CFI: variants seen among roughly 807,000 people sequenced by gnomAD.
The protein encoded by CFI is C3B/C4B inactivator.
Under a neutral mutation model 78.8 loss-of-function variants are expected in CFI, and 66 were observed. The observed-to-expected ratio is 0.84, with a 90% CI of 0.69 to 1.03. CFI has a LOEUF of 1.03. Among genes scored for constraint, CFI ranks in the 50% least tolerant of loss-of-function variants. The probability of loss-of-function intolerance (pLI) is 0.00; values close to 1 mark genes in which losing one functional copy is unlikely to be tolerated. For missense variants in CFI, 706 were observed against 704.5 expected (o/e 1.00, Z -0.02); for synonymous variants, 250 against 232.6 (o/e 1.07, Z -0.68).
chr4:109,798,659 G>A (rs1470799068), intron 1 of CFI, among the ~76,000 whole-genome samples: 1 of 151,670 alleles, frequency 6.6e-6, no homozygotes, highest in Non-Finnish European at 1.5e-5. Context: ...AAAATTTTTG[G>A]TTGACACTTT....
In CFI at chr4:109,760,547, G is replaced by C; in HGVS notation, c.748C>G (p.Gln250Glu). ...ACDGINDCGD[Q>E]SDELCCKACQ... ...CCTTTACAACACAGTTCATCACTTT[G>C]GTCTCCACAATCATTGATACCATCA... Residue 250 changes from glutamine (Q) to glutamate (E), a missense_variant, in exon 5 of 13, where the codon CAA becomes GAA. By Grantham distance (29) the Gln-to-Glu change is conservative. Coordinates refer to ENST00000394634, the MANE Select transcript of CFI (RefSeq NM_000204.5). 1 of 1,597,920 alleles carries C rather than the reference G, an allele frequency of 6.3e-7. No individual in the cohort carries two copies. Among genetic ancestry groups the C allele is most frequent in the East Asian group, 2.2e-5 (1 of 44,774 alleles).
intron 1 of CFI, among the ~76,000 whole-genome samples, chr4:109,798,845 A>G (rs1264047251): frequency 6.6e-6 from 1 of 151,728 alleles, no homozygotes; most frequent in Non-Finnish European, 1.5e-5. Context: ...ACTTATATTC[A>G]GCTAGTATTT....
chr4:109,739,293 G>A (rs1198728699), downstream of CFI, among the ~76,000 whole-genome samples: 1 of 149,072 alleles, frequency 6.7e-6, no homozygotes, highest in Non-Finnish European at 1.5e-5. Context: ...AAAAAAAAAA[G>A]AGTAGCTAAT....
intron 1 of CFI, among the ~76,000 whole-genome samples, chr4:109,779,841 C>G (rs1729762473): frequency 6.6e-6 from 1 of 152,106 alleles, no homozygotes; most frequent in Non-Finnish European, 1.5e-5. Context: ...ACATCAACAA[C>G]CATCTGATCT....
At chr4:109,745,427 A>G in intron 11 of CFI, among the ~76,000 whole-genome samples, 1 of 152,174 alleles carries the variant, frequency 6.6e-6, no homozygotes, top group East Asian at 1.9e-4. Context: ...TCGGCCTCCC[A>G]AAGTGCTAGG....
chr4:109,741,709 G>C (rs762971527), intron 12 of CFI, among the ~76,000 whole-genome samples: 1 of 152,176 alleles, frequency 6.6e-6, no homozygotes, highest in African/African-American at 2.4e-5. Flanking sequence ...TCCATTTCAA[G>C]ATGGGAGGAC....
chr4:109,767,024 A>G (rs1395144850), intron 1 of CFI, among the ~76,000 whole-genome samples, 200 bp from the exon 2 acceptor site: 1 of 152,234 alleles, frequency 6.6e-6, no homozygotes, highest in Non-Finnish European at 1.5e-5. Context: ...AAAACAAGAA[A>G]TGGGGAAAGG....
chr4:109,797,392 G>A (rs1335358020), intron 1 of CFI, among the ~76,000 whole-genome samples: 1 of 152,064 alleles, frequency 6.6e-6, no homozygotes, highest in Admixed American at 6.6e-5. Flanking sequence ...ACTGAAATTG[G>A]ACCCCTATAT....
At chr4:109,781,414 T>C (rs907638865) in intron 1 of CFI, among the ~76,000 whole-genome samples, 2 of 152,132 alleles carry the variant, frequency 1.3e-5, no homozygotes, top group African/African-American at 2.4e-5. Context: ...CTAGAAGAGA[T>C]GGATAAATTC....
intron 1 of CFI, among the ~76,000 whole-genome samples, chr4:109,792,684 T>C (rs1579314489): frequency 6.6e-6 from 1 of 152,224 alleles, no homozygotes; most frequent in Non-Finnish European, 1.5e-5. Context: ...ATATTCATAA[T>C]TGTTATATAT....
chr4:109,744,745 C>T (rs554695064), intron 11 of CFI, among the ~76,000 whole-genome samples: 1 of 152,262 alleles, frequency 6.6e-6, no homozygotes, highest in Non-Finnish European at 1.5e-5. Flanking sequence ...AATAAATCTT[C>T]CTAATTGCTC....
In CFI at chr4:109,749,303, C is replaced by T. The variant is rs1250103299; in HGVS notation, c.1063G>A (p.Val355Met). 53 of 1,613,922 alleles carry T rather than the reference C, an allele frequency of 3.3e-5. No individual in the cohort carries two copies. Among genetic ancestry groups the T allele is most frequent in the Non-Finnish European group, 4.1e-5 (48 of 1,179,910 alleles). The change falls in exon 10 of 13, where the codon GTG (valine) becomes ATG (methionine). Residue 355 changes from valine (V) to methionine (M), a missense_variant. Val to Met is a conservative substitution (Grantham distance 21). Transcript: ENST00000394634. ...RAQLGDLPWQ[V>M]AIKDASGITC... is the part of the protein sequence containing the mutation. ...ATTCCACTGGCATCCTTAATTGCCA[C>T]CTGCCATGGGAGGTCTCCCTGTAAA... is the stretch of plus-strand genomic sequence containing the variant.
chr4:109,752,647 G>T (rs78981775), intron 7 of CFI, 144 bp from the exon 8 acceptor site: 2 of 691,090 alleles, frequency 2.9e-6, no homozygotes, highest in Non-Finnish European at 5.0e-6. Context: ...AATCCCCAAG[G>T]CATGTCATCT....
chr4:109,749,712 G>T, intron 8 of CFI, 110 bp from the exon 9 acceptor site: 1 of 723,028 alleles, frequency 1.4e-6, no homozygotes, highest in Non-Finnish European at 2.5e-6. Context: ...GCCAGTACAA[G>T]ACAGGCTGGA....
rs566516415 is a variant in CFI at position 109,749,397 on chromosome 4, A to G, written c.1045-76T>C. The G allele has an allele frequency of 7.0e-5, 105 of 1,501,432 alleles. 2 individuals carry two copies. In the African/African-American group the frequency reaches 1.3e-3, roughly 19 times the overall value. 93.0% of individuals were successfully genotyped at this position (1,501,432 alleles called of 1,614,324 possible). On this transcript the variant is annotated intron_variant, in intron 9 of 12. Transcript: ENST00000394634. ...AACAGCCCTAAGATATTTCCATGGC[A>G]AGACTCCCAGTCTCTTATAATTACA...
At chr4:109,765,796 AGGGTTGGGGGGGAC>A (rs977699984) in intron 2 of CFI, among the ~76,000 whole-genome samples, 2 of 151,080 alleles carry the variant, frequency 1.3e-5, no homozygotes, top group African/African-American at 4.9e-5. Context: ...GCTGGGGGAG[AGGGTTGGGGGGGAC>A]GGCTGTTGAA....
At chr4:109,774,188 T>A (rs1055041444) in intron 1 of CFI, among the ~76,000 whole-genome samples, 2 of 152,086 alleles carry the variant, frequency 1.3e-5, no homozygotes, top group Non-Finnish European at 2.9e-5. Context: ...GATACAAGAG[T>A]GAGCAGGACA....
At chr4:109,801,210 G>A (rs552804106) in intron 1 of CFI, among the ~76,000 whole-genome samples, 9 of 152,228 alleles carry the variant, frequency 5.9e-5, no homozygotes, top group Middle Eastern at 6.8e-3. Context: ...CCTTCATTCT[G>A]ATCAAATGGA....
chr4:109,766,924 G>A (rs900782075), intron 1 of CFI, 100 bp from the exon 2 acceptor site: 1 of 1,153,826 alleles, frequency 8.7e-7, no homozygotes, highest in Non-Finnish European at 1.3e-6. Context: ...ACAGCCCACA[G>A]TACAGATGAG....
Sources: gnomAD v4.1 joint callset for allele counts (sites outside exome capture counted in the v4.1 genomes callset) on GRCh38, gnomAD v4.1.1 for gene constraint, MANE v1.5 for transcripts, NCBI Gene and HGNC (gene_info 2026-07-23, HGNC 2026-07-21) for gene names.